Variants in DKK2 observed in about 807,000 individuals in gnomAD.
DKK2 encodes the protein dickkopf-related protein 2.
DKK2 carries 11 observed loss-of-function variants against 28.1 expected under a neutral mutation model. The observed-to-expected ratio is 0.39, with a 90% CI of 0.25 to 0.65. The LOEUF (loss-of-function observed/expected upper bound fraction) is 0.65. DKK2 is among the 30% of genes least tolerant of loss of function. The pLI, the probability that DKK2 is intolerant of heterozygous loss-of-function variation, is 0.47. For missense variants in DKK2, 326 were observed against 335.5 expected, an observed-to-expected ratio of 0.97 and a Z score of 0.22; for synonymous variants, 135 against 126.5, an observed-to-expected ratio of 1.07 and a Z score of -0.45.
At chr4:106,974,393 T>A (rs1458446716) in intron 1 of DKK2, among the ~76,000 whole-genome samples, 1 of 152,216 alleles carries the variant, frequency 6.6e-6, no homozygotes, top group Admixed American at 6.5e-5. Flanking sequence ...TTTTTCCATT[T>A]GTTTATGTCC....
chr4:106,953,293 C>T (rs573417938), intron 1 of DKK2, among the ~76,000 whole-genome samples: 8 of 152,252 alleles, frequency 5.3e-5, no homozygotes. Context: ...GTTCACTACT[C>T]CAGAGTGGGT....
chr4:106,949,143 T>C (rs1435464664), intron 1 of DKK2, among the ~76,000 whole-genome samples: 5 of 152,094 alleles, frequency 3.3e-5, no homozygotes, highest in African/African-American at 1.2e-4. Flanking sequence ...GGTCATTTAG[T>C]TTGAGGTTGG....
At chr4:107,028,514 A>T (rs980307146) in intron 1 of DKK2, among the ~76,000 whole-genome samples, 3 of 151,976 alleles carry the variant, frequency 2.0e-5, no homozygotes, top group African/African-American at 7.3e-5. Context: ...AAGTATTATT[A>T]CTCTTACGTT....
chr4:106,937,654 C>G (rs1391292734), intron 1 of DKK2, among the ~76,000 whole-genome samples: 1 of 150,582 alleles, frequency 6.6e-6, no homozygotes, highest in African/African-American at 2.4e-5. Context: ...CCCAAATCAA[C>G]AGAATATACA....
intron 1 of DKK2, among the ~76,000 whole-genome samples, chr4:106,995,229 CT>C (rs1723254924): frequency 6.6e-6 from 1 of 151,866 alleles, no homozygotes; most frequent in African/African-American, 2.4e-5. Flanking sequence ...TTTTGTTATT[CT>C]TTTTATTTTA....
At chr4:106,946,098 TTATC>T (rs1724771783) in intron 1 of DKK2, among the ~76,000 whole-genome samples, 1 of 152,178 alleles carries the variant, frequency 6.6e-6, no homozygotes, top group African/African-American at 2.4e-5. Flanking sequence ...CTTAGGCACT[TTATC>T]TATGTGTCAT....
chr4:107,026,408 CT>C (rs1319669327), intron 1 of DKK2, among the ~76,000 whole-genome samples: 1 of 152,002 alleles, frequency 6.6e-6, no homozygotes, highest in Non-Finnish European at 1.5e-5. Flanking sequence ...TAAATATATA[CT>C]GTTTAAAATA....
chr4:106,934,319 A>T (rs552760698), intron 1 of DKK2, among the ~76,000 whole-genome samples: 4 of 152,320 alleles, frequency 2.6e-5, no homozygotes, highest in African/African-American at 9.6e-5. Context: ...CTAAAGTGAA[A>T]TGTCTTCTTG....
chr4:107,007,245 CCT>C (rs1193794157), intron 1 of DKK2, among the ~76,000 whole-genome samples: 1 of 152,022 alleles, frequency 6.6e-6, no homozygotes, highest in Non-Finnish European at 1.5e-5. Context: ...TTAATATCCC[CCT>C]GAGTCAATAG....
intron 1 of DKK2, among the ~76,000 whole-genome samples, chr4:107,013,345 C>T (rs531208519): frequency 2.6e-5 from 4 of 151,388 alleles, no homozygotes; most frequent in Non-Finnish European, 5.9e-5. Flanking sequence ...AAAACAGACA[C>T]ATAAACCAAT....
At chr4:106,949,467 T>A (rs1012749741) in intron 1 of DKK2, among the ~76,000 whole-genome samples, 1 of 152,166 alleles carries the variant, frequency 6.6e-6, no homozygotes, top group African/African-American at 2.4e-5. Context: ...CACACTGGTA[T>A]GATTTTTATT....
In DKK2 at chr4:106,923,846, T is replaced by C; in HGVS notation, c.*108A>G. The C allele has an allele frequency of 7.0e-7, 1 of 1,430,384 alleles. No individual in the cohort carries two copies. 88.6% of individuals were successfully genotyped at this position (1,430,384 alleles called of 1,614,324 possible). A position where few individuals can be genotyped will look rare whatever the true frequency, so the allele number is the denominator to read the frequency against. On this transcript the variant is annotated 3_prime_UTR_variant, in exon 4 of 4. Coordinates refer to ENST00000285311, the MANE Select transcript of DKK2 (RefSeq NM_014421.3). ...GTGATCATCTATATTCTTATCACGT[T>C]TCTTATTTTAGCCATTCTTCTGCAT...
intron 1 of DKK2, among the ~76,000 whole-genome samples, chr4:106,967,226 G>A (rs1018936728): frequency 6.6e-6 from 1 of 152,098 alleles, no homozygotes; most frequent in Non-Finnish European, 1.5e-5. Context: ...ATTTTGTGGA[G>A]TAGATAGCAA....
intron 1 of DKK2, among the ~76,000 whole-genome samples, chr4:107,024,007 C>T (rs1379398388): frequency 6.6e-6 from 1 of 152,034 alleles, no homozygotes; most frequent in African/African-American, 2.4e-5. Flanking sequence ...GAAAAACACT[C>T]ACTTTCTTCT....
chr4:106,962,205 C>T (rs1474780025), intron 1 of DKK2, among the ~76,000 whole-genome samples: 1 of 151,988 alleles, frequency 6.6e-6, no homozygotes, highest in Non-Finnish European at 1.5e-5. Flanking sequence ...GTCCATATTT[C>T]ATTATAGTTA....
At chr4:106,963,093 G>A (rs1007004180) in intron 1 of DKK2, among the ~76,000 whole-genome samples, 4 of 151,166 alleles carry the variant, frequency 2.6e-5, no homozygotes, top group East Asian at 2.0e-4. Context: ...GAGGTTTCAC[G>A]CTTGTAATCC....
intron 1 of DKK2, among the ~76,000 whole-genome samples, chr4:107,029,055 C>T (rs11731426): frequency 0.012 from 1,866 of 152,196 alleles, 15 homozygotes; most frequent in Non-Finnish European, 0.019. Flanking sequence ...ATGAAAATAA[C>T]GTATTGCTAT....
At chr4:106,981,886 T>C (rs891712419) in intron 1 of DKK2, among the ~76,000 whole-genome samples, 2 of 152,170 alleles carry the variant, frequency 1.3e-5, no homozygotes, top group Non-Finnish European at 2.9e-5. Flanking sequence ...TCCAGCTAAA[T>C]TATAAATTTT....
At chr4:107,019,169 A>G (rs1033849721) in intron 1 of DKK2, among the ~76,000 whole-genome samples, 2 of 152,116 alleles carry the variant, frequency 1.3e-5, no homozygotes, top group African/African-American at 2.4e-5. Flanking sequence ...AAAACAAAAC[A>G]AAATAGAACT....
Sources: allele counts gnomAD v4.1 joint callset (sites outside exome capture counted in the v4.1 genomes callset), GRCh38; gene constraint gnomAD v4.1.1; transcripts MANE v1.5; gene names NCBI Gene and HGNC (gene_info 2026-07-23, HGNC 2026-07-21).